The following MACROD2 variants were observed in gnomAD, a reference collection of about 807,000 sequenced individuals.
MACROD2 encodes mono-ADP ribosylhydrolase 2.
In MACROD2, 36 loss-of-function variants were observed where a neutral mutation model predicts 70.4. The ratio of observed to expected loss-of-function variants is 0.51; its 90% CI spans 0.39 to 0.68. The LOEUF is 0.68. Among genes scored for constraint, MACROD2 ranks in the 30% least tolerant of loss-of-function variants. The probability of loss-of-function intolerance (pLI) is 0.00; values close to 1 mark genes in which losing one functional copy is unlikely to be tolerated. For synonymous variants in MACROD2, 172 were observed against 178.8 expected (o/e 0.96, Z 0.30); for missense variants, 496 against 538.4 (o/e 0.92, Z 0.78).
At chr20:14,969,851 A>G (rs1035961261) in intron 5 of MACROD2, among the ~76,000 whole-genome samples, 5 of 152,126 alleles carry the variant, frequency 3.3e-5, no homozygotes, top group African/African-American at 1.2e-4. Flanking sequence ...GAATTGCTTT[A>G]AACATAAATG....
At chr20:13,998,825 C>G (rs1365930444) in intron 1 of MACROD2, among the ~76,000 whole-genome samples, 3 of 151,906 alleles carry the variant, frequency 2.0e-5, no homozygotes, top group Non-Finnish European at 4.4e-5. Context: ...CGTGGTGGCA[C>G]ACGCCTGTAA....
chr20:15,751,866 C>T (rs550827357), intron 8 of MACROD2, among the ~76,000 whole-genome samples: 90 of 150,084 alleles, frequency 6.0e-4, no homozygotes, highest in African/African-American at 2.1e-3. Context: ...GTGTTAGATG[C>T]GTATGTCAGA....
intron 5 of MACROD2, among the ~76,000 whole-genome samples, chr20:15,104,743 C>T (rs777160197): frequency 7.9e-5 from 12 of 152,088 alleles, no homozygotes; most frequent in Admixed American, 5.9e-4. Context: ...TAGTTGCAGC[C>T]TCCATCTTGA....
At chr20:15,227,831 T>TTGTTG (rs1555794527) in intron 5 of MACROD2, among the ~76,000 whole-genome samples, 4,559 of 126,058 alleles carry the variant, frequency 0.036, 219 homozygotes, top group Middle Eastern at 0.077. Context: ...CTGTTTTTTT[T>TTGTTG]TTTTTTTTTT....
At chr20:15,907,601 C>G (rs1406045348) in intron 10 of MACROD2, among the ~76,000 whole-genome samples, 6 of 152,062 alleles carry the variant, frequency 3.9e-5, no homozygotes, top group Admixed American at 2.6e-4. Flanking sequence ...TTTTTGTTCT[C>G]TTTTTATTGT....
At chr20:15,230,825 A>G (rs959504610) in intron 6 of MACROD2, among the ~76,000 whole-genome samples, 2 of 152,146 alleles carry the variant, frequency 1.3e-5, no homozygotes, top group Admixed American at 6.5e-5. Flanking sequence ...AGAAAATCAA[A>G]CTATAGAAAA....
intron 15 of MACROD2, among the ~76,000 whole-genome samples, chr20:16,025,994 A>AG (rs921391214): frequency 4.6e-5 from 7 of 151,416 alleles, no homozygotes; most frequent in African/African-American, 1.5e-4. Flanking sequence ...AAAAAAAAAA[A>AG]AAAGAAAAAT....
intron 5 of MACROD2, among the ~76,000 whole-genome samples, chr20:15,038,594 C>T (rs942584012): frequency 6.6e-6 from 1 of 152,192 alleles, no homozygotes. Context: ...GTGTGTGACT[C>T]TGCTATGGCT....
intron 4 of MACROD2, among the ~76,000 whole-genome samples, chr20:14,613,409 A>G (rs759368598): frequency 1.3e-5 from 2 of 152,068 alleles, no homozygotes; most frequent in African/African-American, 4.8e-5. Context: ...CTTGGTTAAC[A>G]TATATGGGGA....
At chr20:15,204,190 T>G (rs753710521) in intron 5 of MACROD2, among the ~76,000 whole-genome samples, 23 of 152,190 alleles carry the variant, frequency 1.5e-4, no homozygotes, top group Non-Finnish European at 2.8e-4. Flanking sequence ...TTTTAACTTC[T>G]CAACTAGTTT....
rs541331591 is a variant in MACROD2, at chr20:15,380,994, C to A, written c.541-50411C>A. 5.3e-5 allele frequency among the ~76,000 whole-genome samples: 8 copies of A among 152,130 alleles called. No individual in the cohort carries two copies. In the East Asian group the frequency reaches 1.5e-3, roughly 29 times the overall value. On this transcript the variant is annotated intron_variant, in intron 6 of 17. Transcript: ENST00000684519. Reference sequence around the variant, plus strand: ...TGTAAATGAAAATACAGACCAATACCCACGTTGGAATTATACATGTTTATC... The same window carrying A: ...TGTAAATGAAAATACAGACCAATACACACGTTGGAATTATACATGTTTATC...
intron 10 of MACROD2, among the ~76,000 whole-genome samples, chr20:15,902,664 A>G (rs1210574035): frequency 6.6e-6 from 1 of 152,010 alleles, no homozygotes; most frequent in Non-Finnish European, 1.5e-5. Flanking sequence ...GCCGCCATGT[A>G]TGAGGACCCC....
At chr20:14,289,034 G>C (rs2082365631) in intron 3 of MACROD2, among the ~76,000 whole-genome samples, 1 of 152,154 alleles carries the variant, frequency 6.6e-6, no homozygotes, top group South Asian at 2.1e-4. Context: ...TAGTCTAGGG[G>C]AAGCTTCCAC....
intron 5 of MACROD2, among the ~76,000 whole-genome samples, chr20:14,871,171 G>A (rs1280359943): frequency 6.6e-6 from 1 of 151,974 alleles, no homozygotes; most frequent in African/African-American, 2.4e-5. Flanking sequence ...GAGAACCCCA[G>A]TAAGATACTT....
chr20:14,430,735 C>T (rs2083986132), intron 3 of MACROD2, among the ~76,000 whole-genome samples: 1 of 152,130 alleles, frequency 6.6e-6, no homozygotes, highest in Admixed American at 6.5e-5. Context: ...GCTTCCCTTG[C>T]AGCAGGTTGT....
chr20:14,805,094 T>C (rs114960097), intron 5 of MACROD2, among the ~76,000 whole-genome samples: 2,014 of 152,124 alleles, frequency 0.013, 47 homozygotes, highest in African/African-American at 0.046. Context: ...TATGCCTTTT[T>C]AGGGGAGAGA....
intron 8 of MACROD2, among the ~76,000 whole-genome samples, chr20:15,542,700 G>C (rs2047973818): frequency 6.6e-6 from 1 of 152,162 alleles, no homozygotes; most frequent in East Asian, 1.9e-4. Context: ...AAGAAGGATT[G>C]GTTCTCACAA....
intron 3 of MACROD2, among the ~76,000 whole-genome samples, chr20:14,102,071 T>G (rs1308662162): frequency 7.4e-6 from 1 of 135,914 alleles, no homozygotes; most frequent in Non-Finnish European, 1.5e-5. Flanking sequence ...TGGCATGATC[T>G]CGGCTCACTG....
chr20:14,806,257 T>G (rs1213149180), intron 5 of MACROD2, among the ~76,000 whole-genome samples: 1 of 151,982 alleles, frequency 6.6e-6, no homozygotes, highest in Non-Finnish European at 1.5e-5. Context: ...AGGTACCCGG[T>G]TGATCTCACT....
Sources: gnomAD v4.1 joint callset for allele counts (sites outside exome capture counted in the v4.1 genomes callset) on GRCh38, gnomAD v4.1.1 for gene constraint, MANE v1.5 for transcripts, NCBI Gene and HGNC (gene_info 2026-07-23, HGNC 2026-07-21) for gene names.